Variants in RAB3C observed in about 807,000 individuals in gnomAD.
RAB3C encodes the protein RAB3C, member RAS oncogene family, also known as ras-related protein Rab-3C.
In RAB3C, 17 loss-of-function variants were observed where a neutral mutation model predicts 26.4. The observed-to-expected ratio is 0.64, with a 90% CI of 0.44 to 0.97. The LOEUF is 0.97. Among genes scored for constraint, RAB3C ranks in the 50% least tolerant of loss-of-function variants. The probability of loss-of-function intolerance (pLI) is 0.00; values close to 1 mark genes in which losing one functional copy is unlikely to be tolerated. For synonymous variants in RAB3C, 91 were observed against 95.9 expected (o/e 0.95, Z 0.30); for missense variants, 242 against 281.9 (o/e 0.86, Z 1.01).
At chr5:58,612,518 G>GTATA (rs1554044127) in intron 1 of RAB3C, among the ~76,000 whole-genome samples, 1 of 40,584 alleles carries the variant, frequency 2.5e-5, no homozygotes, top group Non-Finnish European at 5.0e-5. Context: ...GTGTGTGTGT[G>GTATA]TGTATATATA....
intron 4 of RAB3C, chr5:58,848,519 C>T (rs764808421): frequency 7.9e-5 from 12 of 152,164 alleles, no homozygotes; most frequent in Admixed American, 1.3e-4. Context: ...GAGCAAATTA[C>T]GGAGCCATTT....
chr5:58,721,490 C>G (rs959738955), intron 2 of RAB3C, among the ~76,000 whole-genome samples: 1 of 151,712 alleles, frequency 6.6e-6, no homozygotes, highest in Non-Finnish European at 1.5e-5. Flanking sequence ...GGAAAAGATA[C>G]CATTTTAGTT....
Position 58,725,985 on chromosome 5 carries a change from T to C in RAB3C, c.253-17T>C. On this transcript the variant is annotated splice_polypyrimidine_tract_variant and intron_variant, in intron 2 of 4. Transcript: ENST00000282878. ...GCCTTATTTCTGAGAGATTATCATTTTTTTTTTATTCTTTAGGACACAGCA... is the reference window on the plus strand; with the variant it reads ...GCCTTATTTCTGAGAGATTATCATTCTTTTTTTATTCTTTAGGACACAGCA... The C allele has an allele frequency of 7.0e-7, 1 of 1,423,388 alleles. No individual in the cohort carries two copies. Among genetic ancestry groups the C allele is most frequent in the Non-Finnish European group, 9.6e-7 (1 of 1,038,884 alleles). The allele number at this position is 1,423,388 out of a possible 1,614,324, so 88.2% of individuals were successfully genotyped here. A position where few individuals can be genotyped will look rare whatever the true frequency, so the allele number is the denominator to read the frequency against.
At chr5:58,781,032 T>G (rs544899557) in intron 3 of RAB3C, among the ~76,000 whole-genome samples, 1 of 152,090 alleles carries the variant, frequency 6.6e-6, no homozygotes, top group South Asian at 2.1e-4. Flanking sequence ...TGTGTTTTGT[T>G]TTTCCTGAAT....
intron 1 of RAB3C, among the ~76,000 whole-genome samples, chr5:58,593,883 G>A (rs888229022): frequency 2.0e-5 from 3 of 152,178 alleles, no homozygotes; most frequent in African/African-American, 7.2e-5. Flanking sequence ...CAGCAAGCTG[G>A]TTGGCTTGGG....
intron 2 of RAB3C, among the ~76,000 whole-genome samples, chr5:58,689,937 AT>A (rs1748528321): frequency 6.6e-6 from 1 of 152,118 alleles, no homozygotes; most frequent in African/African-American, 2.4e-5. Flanking sequence ...CAAAAGCCCA[AT>A]GTGTGAAGCA....
rs565439841 is a variant in RAB3C at position 58,724,618 on chromosome 5, C to T, written c.253-1384C>T. On this transcript the variant is annotated intron_variant, in intron 2 of 4. Coordinates refer to ENST00000282878, the MANE Select transcript of RAB3C (RefSeq NM_138453.4). ...ATGATCTATCTTTTTATTTTGTTTTCTATAGTCAGATGCTGCTTAATGAAA... is the reference window on the plus strand; with the variant it reads ...ATGATCTATCTTTTTATTTTGTTTTTTATAGTCAGATGCTGCTTAATGAAA... Among the ~76,000 whole-genome samples, 441 of 151,524 alleles carry T rather than the reference C, an allele frequency of 2.9e-3. 2 individuals carry two copies. The highest frequency in any genetic ancestry group is 8.7e-3 in the African/African-American group (360 of 41,370).
chr5:58,583,421 T>C, intron 1 of RAB3C, 189 bp downstream of exon 1: 1 of 816,462 alleles, frequency 1.2e-6, no homozygotes, highest in Non-Finnish European at 1.5e-6. Flanking sequence ...TGGGGCTGTC[T>C]TGATGAGGGA....
chr5:58,824,780 A>G (rs987707367), intron 3 of RAB3C, among the ~76,000 whole-genome samples: 1 of 152,208 alleles, frequency 6.6e-6, no homozygotes, highest in African/African-American at 2.4e-5. Flanking sequence ...AAGAATCAGT[A>G]GTGGTATTAA....
At chr5:58,779,417 C>A (rs562522768) in intron 3 of RAB3C, among the ~76,000 whole-genome samples, 71 of 151,482 alleles carry the variant, frequency 4.7e-4, no homozygotes, top group African/African-American at 1.5e-3. Context: ...CAGTGGCTCA[C>A]TCTGTTGCCC....
intron 1 of RAB3C, among the ~76,000 whole-genome samples, chr5:58,595,106 C>T (rs761915752): frequency 1.6e-4 from 24 of 152,056 alleles, no homozygotes; most frequent in Non-Finnish European, 3.2e-4. Context: ...TTAAAAATGA[C>T]TGATGGAGAA....
At chr5:58,795,911 A>C (rs10940625) in intron 3 of RAB3C, among the ~76,000 whole-genome samples, 76,990 of 151,866 alleles carry the variant, frequency 0.51, 21,011 homozygotes, top group South Asian at 0.62. Context: ...ATAGAGTGAA[A>C]CATGGTTAAG....
At chr5:58,703,707 A>G (rs1402640718) in intron 2 of RAB3C, among the ~76,000 whole-genome samples, 1 of 152,140 alleles carries the variant, frequency 6.6e-6, no homozygotes, top group Non-Finnish European at 1.5e-5. Context: ...TCCCATGCTT[A>G]CCCTGTCCTA....
At chr5:58,667,641 C>A (rs867234027) in intron 2 of RAB3C, among the ~76,000 whole-genome samples, 43 of 152,292 alleles carry the variant, frequency 2.8e-4, no homozygotes, top group Middle Eastern at 6.8e-3. Flanking sequence ...GAATTTACTA[C>A]ATGCTAGCCA....
intron 3 of RAB3C, among the ~76,000 whole-genome samples, chr5:58,808,940 A>G (rs777889771): frequency 6.6e-6 from 1 of 152,208 alleles, no homozygotes; most frequent in African/African-American, 2.4e-5. Flanking sequence ...TCTAACTCCA[A>G]TTTCATGTAC....
At chr5:58,814,584 T>C (rs1743178062) in intron 3 of RAB3C, 1 of 152,174 alleles carries the variant, frequency 6.6e-6, no homozygotes, top group Non-Finnish European at 1.5e-5. Context: ...GAAGGATATT[T>C]ATTTCTAACA....
chr5:58,811,000 C>T (rs919131900), intron 3 of RAB3C, among the ~76,000 whole-genome samples: 1 of 152,316 alleles, frequency 6.6e-6, no homozygotes, highest in Non-Finnish European at 1.5e-5. Context: ...GAACATGGAT[C>T]ATTCTAACCA....
At chr5:58,704,426 A>G (rs1166814526) in intron 2 of RAB3C, among the ~76,000 whole-genome samples, 1 of 152,194 alleles carries the variant, frequency 6.6e-6, no homozygotes, top group Non-Finnish European at 1.5e-5. Flanking sequence ...GGACTCTGAT[A>G]GAATAAACTG....
chr5:58,676,317 A>T (rs1748224404), intron 2 of RAB3C, among the ~76,000 whole-genome samples: 1 of 152,108 alleles, frequency 6.6e-6, no homozygotes, highest in African/African-American at 2.4e-5. Flanking sequence ...AGCCTGGCCA[A>T]CTTGGTGAAA....
Sources: allele counts gnomAD v4.1 joint callset (sites outside exome capture counted in the v4.1 genomes callset), GRCh38; gene constraint gnomAD v4.1.1; transcripts MANE v1.5; gene names NCBI Gene and HGNC (gene_info 2026-07-23, HGNC 2026-07-21).